The following GRM1 variants were observed in gnomAD, a reference collection of about 807,000 sequenced individuals.
GRM1 encodes the protein glutamate metabotropic receptor 1.
GRM1 carries 33 observed loss-of-function variants against 90.9 expected under a neutral mutation model. That is an observed-to-expected ratio of 0.36 (90% CI 0.28 to 0.49). GRM1 has a LOEUF of 0.49. Among genes scored for constraint, GRM1 ranks in the 20% least tolerant of loss-of-function variants. GRM1 has a pLI of 0.99. For synonymous variants in GRM1, 700 were observed against 613.2 expected, an observed-to-expected ratio of 1.14 and a Z score of -2.09; for missense variants, 1,190 against 1,534.3, an observed-to-expected ratio of 0.78 and a Z score of 3.75.
chr6:146,124,907 AT>A (rs1776140766), intron 1 of GRM1, among the ~76,000 whole-genome samples: 1 of 152,142 alleles, frequency 6.6e-6, no homozygotes, highest in South Asian at 2.1e-4. Flanking sequence ...AAATATGAAA[AT>A]TTTTAAAATT....
chr6:146,188,945 A>G (rs757047893), intron 2 of GRM1, among the ~76,000 whole-genome samples: 5 of 152,186 alleles, frequency 3.3e-5, no homozygotes, highest in Non-Finnish European at 7.3e-5. Context: ...CCAATTGTTG[A>G]AAACATAGTC....
intron 2 of GRM1, among the ~76,000 whole-genome samples, chr6:146,245,162 T>C (rs1225505244): frequency 6.6e-6 from 1 of 152,170 alleles, no homozygotes; most frequent in African/African-American, 2.4e-5. Context: ...AATATAAATT[T>C]AATTGTATAG....
At chr6:146,347,683 T>C (rs896902665) in intron 3 of GRM1, among the ~76,000 whole-genome samples, 1 of 152,224 alleles carries the variant, frequency 6.6e-6, no homozygotes, top group African/African-American at 2.4e-5. Context: ...GAACACTTTC[T>C]TCTAGAAATG....
At chr6:146,052,894 C>A (rs1336033060) in intron 1 of GRM1, among the ~76,000 whole-genome samples, 2 of 152,026 alleles carry the variant, frequency 1.3e-5, no homozygotes, top group African/African-American at 4.8e-5. Context: ...TAACAGGACA[C>A]CGTCATATTT....
At chr6:146,185,815 C>A (rs1336570034) in intron 2 of GRM1, among the ~76,000 whole-genome samples, 1 of 152,136 alleles carries the variant, frequency 6.6e-6, no homozygotes, top group Non-Finnish European at 1.5e-5. Context: ...TAACTATTGT[C>A]CATTGCAGAT....
intron 5 of GRM1, among the ~76,000 whole-genome samples, chr6:146,368,260 T>TTTGGG (rs1491160990): frequency 1.7e-5 from 2 of 115,856 alleles, no homozygotes; most frequent in East Asian, 2.7e-4. Context: ...AGTTTTTTTT[T>TTTGGG]GGGGGGGGGG....
intron 5 of GRM1, among the ~76,000 whole-genome samples, chr6:146,385,845 A>C (rs1303679891): frequency 6.6e-6 from 1 of 152,050 alleles, no homozygotes; most frequent in East Asian, 1.9e-4. Context: ...TACATTATAC[A>C]TAAAGTAGTA....
intron 2 of GRM1, among the ~76,000 whole-genome samples, chr6:146,244,299 T>C (rs1290493450): frequency 6.6e-6 from 1 of 152,170 alleles, no homozygotes; most frequent in East Asian, 1.9e-4. Flanking sequence ...TGTTCAGAGA[T>C]TGCAGTAAAG....
chr6:146,052,860 A>G (rs1775342960), intron 1 of GRM1, among the ~76,000 whole-genome samples: 1 of 151,938 alleles, frequency 6.6e-6, no homozygotes, highest in Non-Finnish European at 1.5e-5. Context: ...AATTCTTTAC[A>G]TATTTGTTGT....
chr6:146,424,304 T>C (rs1174564600), intron 7 of GRM1, among the ~76,000 whole-genome samples: 2 of 152,208 alleles, frequency 1.3e-5, no homozygotes, highest in Non-Finnish European at 2.9e-5. Context: ...AGGGCACATA[T>C]ATCAGACCCT....
At chr6:146,222,925 A>G (rs942214859) in intron 2 of GRM1, among the ~76,000 whole-genome samples, 2 of 151,998 alleles carry the variant, frequency 1.3e-5, no homozygotes, top group African/African-American at 4.8e-5. Context: ...GAAGGCAGGT[A>G]AGAGAAGTTT....
At chr6:146,031,276 G>T (rs1166852060) in intron 1 of GRM1, among the ~76,000 whole-genome samples, 1 of 152,096 alleles carries the variant, frequency 6.6e-6, no homozygotes, top group Non-Finnish European at 1.5e-5. Context: ...TAACATCTAG[G>T]ACAATTCACA....
intron 2 of GRM1, among the ~76,000 whole-genome samples, chr6:146,265,489 T>C (rs1781847904): frequency 6.6e-6 from 1 of 152,210 alleles, no homozygotes. Flanking sequence ...TGTCTTCTTA[T>C]TCTGTTGTTT....
intron 2 of GRM1, among the ~76,000 whole-genome samples, chr6:146,243,823 G>C (rs1197333633): frequency 6.6e-6 from 1 of 152,106 alleles, no homozygotes; most frequent in Non-Finnish European, 1.5e-5. Context: ...CACTACGGGA[G>C]ACTGGGGCTT....
At chr6:146,047,057 A>T (rs1791359063) in intron 1 of GRM1, among the ~76,000 whole-genome samples, 1 of 152,056 alleles carries the variant, frequency 6.6e-6, no homozygotes, top group Admixed American at 6.6e-5. Flanking sequence ...ACAGGTATGC[A>T]GAGAATGGTG....
chr6:146,203,192 A>AAAAT (rs60263974), intron 2 of GRM1, among the ~76,000 whole-genome samples: 8,050 of 141,716 alleles, frequency 0.057, 272 homozygotes, highest in Non-Finnish European at 0.065. Flanking sequence ...ACTCCGTCTC[A>AAAAT]AAATAAATAA....
intron 1 of GRM1, among the ~76,000 whole-genome samples, chr6:146,101,770 A>G (rs1777058265): frequency 6.6e-6 from 1 of 150,620 alleles, no homozygotes; most frequent in Non-Finnish European, 1.5e-5. Flanking sequence ...TATTATGACT[A>G]TACTTATAGC....
intron 3 of GRM1, among the ~76,000 whole-genome samples, chr6:146,310,980 T>G (rs529072732): frequency 6.6e-6 from 1 of 152,352 alleles, no homozygotes; most frequent in South Asian, 2.1e-4. Flanking sequence ...GCGGCTTTTT[T>G]GGGGCAATTG....
chr6:146,324,262 C>T (rs910367856), intron 3 of GRM1, among the ~76,000 whole-genome samples: 1 of 152,030 alleles, frequency 6.6e-6, no homozygotes, highest in Non-Finnish European at 1.5e-5. Flanking sequence ...TCTAGCATCC[C>T]TGGTCAACTT....
Sources: gnomAD v4.1 joint callset for allele counts (sites outside exome capture counted in the v4.1 genomes callset) on GRCh38, gnomAD v4.1.1 for gene constraint, MANE v1.5 for transcripts, NCBI Gene and HGNC (gene_info 2026-07-23, HGNC 2026-07-21) for gene names.